The following EMC3 variants were observed in gnomAD, a reference collection of about 807,000 sequenced individuals.
EMC3 encodes ER membrane protein complex subunit 3, also known as 30 kDa protein.
Under a neutral mutation model 36.6 loss-of-function variants are expected in EMC3, and 13 were observed. The observed-to-expected ratio is 0.35, with a 90% CI of 0.23 to 0.56. The LOEUF is 0.56. Ranked by LOEUF, EMC3 falls within the 20% of genes least tolerant of loss-of-function variation. EMC3 has a pLI of 0.84. For missense variants in EMC3, 220 were observed against 324.5 expected (o/e 0.68, Z 2.47); for synonymous variants, 120 against 111.9 (o/e 1.07, Z -0.46).
Position 9,975,628 on chromosome 3 carries a change from C to T in EMC3, c.308-1140G>A, listed in dbSNP as rs568781990. On this transcript the variant is annotated intron_variant, in intron 3 of 7. Coordinates refer to ENST00000245046, the MANE Select transcript of EMC3 (RefSeq NM_001394674.1). ...GAGATGGAGACCATCCTGGCTAACA[C>T]AATGAAACCCCGTCTCTATTAAAAA... 9.9e-5 allele frequency among the ~76,000 whole-genome samples: 15 copies of T among 151,894 alleles called. No individual in the cohort carries two copies. In the East Asian group the frequency reaches 2.5e-3, roughly 26 times the overall value.
intron 1 of EMC3, among the ~76,000 whole-genome samples, chr3:9,985,255 T>C (rs1292921707): frequency 6.6e-6 from 1 of 152,192 alleles, no homozygotes; most frequent in Non-Finnish European, 1.5e-5. Flanking sequence ...TTAAGTACAG[T>C]AGAAACAAAA....
rs184191880 is a variant in EMC3 at position 9,983,547 on chromosome 3, C to T, written c.155+2960G>A. 2.9e-3 allele frequency among the ~76,000 whole-genome samples: 437 copies of T among 152,108 alleles called. 3 individuals are homozygous for T. The highest frequency in any genetic ancestry group is 4.4e-3 in the Non-Finnish European group (299 of 67,994). On this transcript the variant is annotated intron_variant, in intron 1 of 7. Coordinates refer to ENST00000245046, the MANE Select transcript of EMC3 (RefSeq NM_001394674.1). Reference sequence around the variant, plus strand: ...ATTAGCCAGGCATGCTGGCGCATGCCGCTAATCGCAGCCACTCGAGAGGTT... The same window carrying T: ...ATTAGCCAGGCATGCTGGCGCATGCTGCTAATCGCAGCCACTCGAGAGGTT...
intron 1 of EMC3, chr3:9,978,182 A>T (rs1010914554): frequency 7.4e-6 from 1 of 134,384 alleles, no homozygotes; most frequent in Admixed American, 8.2e-5. Flanking sequence ...AAAAAAAAAA[A>T]AAAATTAGCC....
upstream of EMC3, chr3:9,987,914 T>C: frequency 2.9e-6 from 3 of 1,019,572 alleles, no homozygotes; most frequent in Non-Finnish European, 4.6e-6. Flanking sequence ...AGGTAATCTC[T>C]GAGCTTCGGG....
intron 1 of EMC3, among the ~76,000 whole-genome samples, chr3:9,997,901 C>A (rs1321546531): frequency 6.6e-6 from 1 of 151,976 alleles, no homozygotes; most frequent in Non-Finnish European, 1.5e-5. Flanking sequence ...GTTTTCGGTT[C>A]TTTAGGGTAT....
At chr3:10,001,922 C>T (rs912470125) in intron 1 of EMC3, among the ~76,000 whole-genome samples, 1 of 152,042 alleles carries the variant, frequency 6.6e-6, no homozygotes, top group African/African-American at 2.4e-5. Flanking sequence ...TTGCATGAAC[C>T]CAGGAGGTGG....
At chr3:10,007,362 A>G (rs1450809853) in intron 1 of EMC3, 1 of 1,360,354 alleles carries the variant, frequency 7.4e-7, no homozygotes, top group Non-Finnish European at 9.8e-7. Context: ...AGAGGTCCCC[A>G]GGAGGATCCT....
chr3:9,987,834 G>C (rs528762648), upstream of EMC3: 39 of 616,650 alleles, frequency 6.3e-5, no homozygotes, highest in East Asian at 1.2e-3. Flanking sequence ...AGATTGTCAT[G>C]GTTGAGAGAC....
At position 9,973,721 on chromosome 3, in the gene EMC3, A is replaced by C. The variant is rs762666034; in HGVS notation, c.413-12T>G. 6 of 1,611,518 alleles carry C rather than the reference A, an allele frequency of 3.7e-6. No homozygotes were observed. The South Asian group carries it at 6.6e-5, about 18-fold the overall frequency. On this transcript the variant is annotated splice_polypyrimidine_tract_variant and intron_variant, in intron 4 of 7. Coordinates refer to ENST00000245046, the MANE Select transcript of EMC3 (RefSeq NM_001394674.1). ...AAATGGGACCTTGGCTGCAGAGAAG[A>C]AAAAGTTCACAATCACTCTGAGCTG...
upstream of EMC3, chr3:9,988,872 C>T: frequency 1.5e-6 from 1 of 673,830 alleles, no homozygotes; most frequent in Non-Finnish European, 2.6e-6. Flanking sequence ...TCCCTAGTTG[C>T]TCTAATAAAC....
chr3:9,985,242 A>C (rs2085957745), intron 1 of EMC3, among the ~76,000 whole-genome samples: 1 of 152,254 alleles, frequency 6.6e-6, no homozygotes, highest in African/African-American at 2.4e-5. Flanking sequence ...AAAAGAAAGT[A>C]ACTTAAGTAC....
At chr3:9,998,838 C>T (rs1266645733) in intron 1 of EMC3, among the ~76,000 whole-genome samples, 1 of 151,890 alleles carries the variant, frequency 6.6e-6, no homozygotes, top group Non-Finnish European at 1.5e-5. Flanking sequence ...CTCACTGCAA[C>T]CTCCACTTCC....
chr3:10,000,565 G>A (rs1471295579), intron 1 of EMC3: 1 of 309,030 alleles, frequency 3.2e-6, no homozygotes, highest in Non-Finnish European at 6.6e-6. Flanking sequence ...TGGTGTATGA[G>A]ATCTATTAAA....
intron 1 of EMC3, chr3:10,004,989 C>T (rs1434690958): frequency 6.6e-6 from 1 of 152,230 alleles, no homozygotes; most frequent in African/African-American, 2.4e-5. Context: ...CCTCACTTGA[C>T]AAGGAGATAC....
At chr3:9,992,327 T>A (rs1412574329) in intron 1 of EMC3, among the ~76,000 whole-genome samples, 1 of 152,052 alleles carries the variant, frequency 6.6e-6, no homozygotes, top group Non-Finnish European at 1.5e-5. Flanking sequence ...GGTTTCACCG[T>A]GTTGGCCAGG....
upstream of EMC3, chr3:9,988,121 A>C: frequency 3.6e-6 from 2 of 549,346 alleles, no homozygotes; most frequent in Non-Finnish European, 3.3e-6. Context: ...TAATGGTACT[A>C]TTATGATATT....
At chr3:9,981,310 G>A (rs542796644) in intron 1 of EMC3, among the ~76,000 whole-genome samples, 1 of 152,172 alleles carries the variant, frequency 6.6e-6, no homozygotes, top group Non-Finnish European at 1.5e-5. Flanking sequence ...GTAATCAAGA[G>A]AAATTCATCT....
At position 9,993,068 on chromosome 3, in the gene EMC3, T is replaced by G. The variant is rs536565460; in HGVS notation, c.-241-6166A>C. 17 of 924,986 alleles carry G rather than the reference T, an allele frequency of 1.8e-5. No homozygotes were observed. In the South Asian group the frequency reaches 2.1e-4, roughly 11 times the overall value. 57.3% of individuals were successfully genotyped at this position (924,986 alleles called of 1,614,324 possible). On this transcript the variant is annotated intron_variant, in intron 1 of 8. Coordinates refer to the EMC3 transcript ENST00000470827. ...AAAACAGAAAGCTTTACAGCTCTCATGTAAAATTTCATCTTATTTCAGTCC... is the reference window on the plus strand; with the variant it reads ...AAAACAGAAAGCTTTACAGCTCTCAGGTAAAATTTCATCTTATTTCAGTCC...
At chr3:9,975,930 TA>T (rs1325010015) in intron 3 of EMC3, among the ~76,000 whole-genome samples, 1 of 152,092 alleles carries the variant, frequency 6.6e-6, no homozygotes, top group Non-Finnish European at 1.5e-5. Flanking sequence ...TAAATTTTCT[TA>T]AAAATTTGTT....
Sources: gnomAD v4.1 joint callset for allele counts (sites outside exome capture counted in the v4.1 genomes callset) on GRCh38, gnomAD v4.1.1 for gene constraint, MANE v1.5 for transcripts, NCBI Gene and HGNC (gene_info 2026-07-23, HGNC 2026-07-21) for gene names.